ANKRD36C: variants seen among roughly 807,000 people sequenced by gnomAD.
The protein encoded by ANKRD36C is ankyrin repeat domain-containing protein 36C.
ANKRD36C carries 61 observed loss-of-function variants against 276.4 expected under a neutral mutation model. The ratio of observed to expected loss-of-function variants is 0.22; its 90% CI spans 0.18 to 0.27. ANKRD36C has a LOEUF of 0.27. Among genes scored for constraint, ANKRD36C ranks in the 10% least tolerant of loss-of-function variants. The pLI is 1.00. For missense variants in ANKRD36C, 1,447 were observed against 2,032.3 expected (o/e 0.71, Z 5.54); for synonymous variants, 483 against 680.1 (o/e 0.71, Z 4.51).
chr2:95,887,312 T>C (rs1676223493), intron 50 of ANKRD36C, among the ~76,000 whole-genome samples: 1 of 151,488 alleles, frequency 6.6e-6, no homozygotes, highest in African/African-American at 2.4e-5. Context: ...CATTATCTCC[T>C]GCACCCAGTA....
At position 95,921,768 on chromosome 2, in the gene ANKRD36C, G is replaced by T; in HGVS notation, c.2172+14C>A. 2 of 1,600,476 alleles carry T rather than the reference G, an allele frequency of 1.2e-6. No homozygotes were observed. Among genetic ancestry groups the T allele is most frequent in the Non-Finnish European group, 1.7e-6 (2 of 1,175,356 alleles). On this transcript the variant is annotated intron_variant, in intron 33 of 66. Coordinates refer to ENST00000456556, the Ensembl canonical transcript of ANKRD36C. ...AGATTCACTAGTTCACAATATAAAT[G>T]AAAGTTTAATTACCTTCAAGGCTGG...
intron 3 of ANKRD36C, among the ~76,000 whole-genome samples, chr2:95,986,048 C>T (rs1177477364): frequency 6.6e-6 from 1 of 152,150 alleles, no homozygotes; most frequent in South Asian, 2.1e-4. Flanking sequence ...CAGAGTCCTA[C>T]CAAAATTGAT....
intron 14 of ANKRD36C, among the ~76,000 whole-genome samples, chr2:95,953,170 G>C (rs566032612): frequency 1.3e-5 from 2 of 152,096 alleles, no homozygotes; most frequent in African/African-American, 4.8e-5. Flanking sequence ...AAAAAGGCTT[G>C]GAAAACACAG....
At chr2:95,946,783 T>C (rs1678063545) in intron 17 of ANKRD36C, among the ~76,000 whole-genome samples, 2 of 151,986 alleles carry the variant, frequency 1.3e-5, no homozygotes, top group African/African-American at 4.8e-5. Context: ...TTGGAAATCA[T>C]CATTCTCAGT....
At chr2:95,927,509 T>C (rs76305218) in intron 26 of ANKRD36C, 100 bp from the exon 27 acceptor site, 1 of 1,552,778 alleles carries the variant, frequency 6.4e-7, no homozygotes, top group Non-Finnish European at 8.7e-7. Context: ...TTCCTGCCTG[T>C]ACTAGTGTAG....
intron 59 of ANKRD36C, among the ~76,000 whole-genome samples, chr2:95,869,542 T>C (rs1365463023): frequency 6.6e-6 from 1 of 152,226 alleles, no homozygotes; most frequent in Non-Finnish European, 1.5e-5. Context: ...CCAAGATGGC[T>C]GAATAGGAAC....
chr2:95,860,321 TAAA>T (rs976290154), intron 60 of ANKRD36C, among the ~76,000 whole-genome samples: 1 of 133,862 alleles, frequency 7.5e-6, no homozygotes, highest in Non-Finnish European at 1.6e-5. Context: ...ATAGGTCCTG[TAAA>T]AAAAAAAAAA....
Position 95,891,875 on chromosome 2 carries a change from G to A in ANKRD36C, c.2756-15C>T, listed in dbSNP as rs1676373437. 1 of 1,557,646 alleles carries A rather than the reference G, an allele frequency of 6.4e-7. No individual in the cohort carries two copies. Among genetic ancestry groups the A allele is most frequent in the Admixed American group, 1.9e-5 (1 of 52,368 alleles). ...CTCAGAAGACACTGAAAAGTAAAAG[G>A]GATTCATAATCACTCATATGTAAAA... On this transcript the variant is annotated splice_polypyrimidine_tract_variant and intron_variant, in intron 44 of 66. Coordinates refer to ENST00000456556, the Ensembl canonical transcript of ANKRD36C.
At chr2:95,980,093 G>A (rs950987110) in intron 5 of ANKRD36C, among the ~76,000 whole-genome samples, 1 of 152,052 alleles carries the variant, frequency 6.6e-6, no homozygotes, top group Non-Finnish European at 1.5e-5. Context: ...GACTGCAAGA[G>A]TACTTTCAAT....
chr2:95,980,893 A>G lies in ANKRD36C; in HGVS notation c.594-108T>C, dbSNP rs1395571603. ...CTGTCCATGTAGAATTAACCCAATT[A>G]CATGTACTAAGAAACAAGCATCTTA... On this transcript the variant is annotated intron_variant, in intron 4 of 66. Transcript: ENST00000456556. The G allele has an allele frequency of 2.8e-5, 40 of 1,415,808 alleles. No homozygotes were observed. In the East Asian group the frequency reaches 9.0e-4, roughly 32 times the overall value. 87.7% of individuals were successfully genotyped at this position (1,415,808 alleles called of 1,614,324 possible).
At chr2:95,875,918 T>C (rs747269028) in intron 59 of ANKRD36C, 7 of 395,914 alleles carry the variant, frequency 1.8e-5, no homozygotes, top group African/African-American at 2.1e-5. Context: ...TATAATTCTC[T>C]TGATAGCCAG....
chr2:95,871,713 C>A (rs1675817017), intron 59 of ANKRD36C, among the ~76,000 whole-genome samples: 1 of 152,106 alleles, frequency 6.6e-6, no homozygotes. Context: ...TCAAAAGACA[C>A]AGACTGGCAA....
chr2:95,852,872 C>G (rs1007037676), intron 64 of ANKRD36C: 3 of 152,158 alleles, frequency 2.0e-5, no homozygotes, highest in African/African-American at 7.2e-5. Context: ...ATTGACTCTC[C>G]CATTGAATAG....
intron 59 of ANKRD36C, among the ~76,000 whole-genome samples, chr2:95,872,994 A>G (rs1218289373): frequency 6.6e-6 from 1 of 152,236 alleles, no homozygotes; most frequent in Non-Finnish European, 1.5e-5. Flanking sequence ...GAATAGACCA[A>G]TAACAGGCTC....
At chr2:95,909,068 T>C (rs1192930785) in intron 42 of ANKRD36C, among the ~76,000 whole-genome samples, 1 of 150,702 alleles carries the variant, frequency 6.6e-6, no homozygotes, top group Non-Finnish European at 1.5e-5. Flanking sequence ...CCCACTTATC[T>C]TTCATGCAAC....
At chr2:95,880,569 A>C (rs1277329760) in intron 57 of ANKRD36C, 26 bp downstream of exon 77, 3 of 1,534,192 alleles carry the variant, frequency 2.0e-6, no homozygotes, top group African/African-American at 2.8e-5. Context: ...GTTAATAATT[A>C]AAAATATAAA....
chr2:95,881,045 A>G (rs1676067280), intron 56 of ANKRD36C, among the ~76,000 whole-genome samples: 1 of 152,208 alleles, frequency 6.6e-6, no homozygotes, highest in African/African-American at 2.4e-5. Flanking sequence ...AACATTCATC[A>G]TGCTCTTTAG....
In ANKRD36C at chr2:95,890,054, A is replaced by T; in HGVS notation, c.2858-60T>A. Reference sequence around the variant, plus strand: ...GTAAATATGATAAAGTTATTCATACATTCATACAGTGTTAGCATCAATCTC... The same window carrying T: ...GTAAATATGATAAAGTTATTCATACTTTCATACAGTGTTAGCATCAATCTC... On this transcript the variant is annotated intron_variant, in intron 46 of 66. Transcript: ENST00000456556. The T allele has an allele frequency of 1.9e-6, 3 of 1,565,502 alleles. No individual in the cohort carries two copies. The South Asian group carries it at 3.3e-5, about 17-fold the overall frequency.
At chr2:95,852,388 A>C (rs1675315316) in intron 64 of ANKRD36C, 192 bp from the exon 85 acceptor site, 2 of 571,730 alleles carry the variant, frequency 3.5e-6, no homozygotes, top group Admixed American at 6.4e-5. Flanking sequence ...ACACTGCTAC[A>C]CCCCTTCAGT....
Sources: allele counts gnomAD v4.1 joint callset (sites outside exome capture counted in the v4.1 genomes callset), GRCh38; gene constraint gnomAD v4.1.1; transcripts MANE v1.5; gene names NCBI Gene and HGNC (gene_info 2026-07-23, HGNC 2026-07-21).